CNNM1: variants seen among roughly 807,000 people sequenced by gnomAD.
CNNM1 encodes the protein metal transporter CNNM1.
A neutral mutation model predicts 78.8 loss-of-function variants in CNNM1; 44 were observed. The observed-to-expected ratio is 0.56, with a 90% CI of 0.44 to 0.72. The LOEUF (loss-of-function observed/expected upper bound fraction) is 0.72, where lower values mean the gene tolerates loss of function less well. CNNM1 is among the 30% of genes least tolerant of loss of function. The probability of loss-of-function intolerance (pLI) is 0.00; values close to 1 mark genes in which losing one functional copy is unlikely to be tolerated. For synonymous variants in CNNM1, 584 were observed against 581.5 expected (o/e 1.00, Z -0.06); for missense variants, 1,101 against 1,292.2 (o/e 0.85, Z 2.27).
chr10:99,350,242 GGAA>G (rs966977725), intron 1 of CNNM1, among the ~76,000 whole-genome samples: 4 of 152,312 alleles, frequency 2.6e-5, no homozygotes, highest in South Asian at 2.1e-4. Context: ...AAGCACACCT[GGAA>G]GAAGAACGTA....
rs1554940021 is a variant in CNNM1 at position 99,356,564 on chromosome 10, G to GACAGAAAGAAAGAAAGAAAAGAA, written c.1574-947_1574-946insCAGAAAGAAAGAAAGAAAAGAAA. 4.1e-5 allele frequency among the ~76,000 whole-genome samples: 4 copies of GACAGAAAGAAAGAAAGAAAAGAA among 98,254 alleles called. No individual in the cohort carries two copies. In the South Asian group the frequency reaches 1.3e-3, roughly 32 times the overall value. 64.5% of individuals were successfully genotyped at this position (98,254 alleles called of 152,430 possible). On this transcript the variant is annotated intron_variant, in intron 1 of 10. Coordinates refer to ENST00000356713, the MANE Select transcript of CNNM1 (RefSeq NM_020348.3). ...AGACAGACAGACAGACAGACAGACA[G>GACAGAAAGAAAGAAAGAAAAGAA]AAAGAAAGAAAGAAAGAAAGAAAGA...
At chr10:99,341,712 C>T (rs1257263955) in intron 1 of CNNM1, among the ~76,000 whole-genome samples, 6 of 152,234 alleles carry the variant, frequency 3.9e-5, no homozygotes, top group African/African-American at 1.2e-4. Flanking sequence ...TGTGTCTGAA[C>T]GCTGGGAAAG....
chr10:99,369,253 G>A (rs981199654), intron 6 of CNNM1, among the ~76,000 whole-genome samples: 1 of 152,192 alleles, frequency 6.6e-6, no homozygotes, highest in African/African-American at 2.4e-5. Context: ...GCTAGACAAT[G>A]ATTCAATGAC....
intron 7 of CNNM1, among the ~76,000 whole-genome samples, chr10:99,379,618 A>G (rs1268968167): frequency 1.3e-5 from 2 of 148,376 alleles, no homozygotes; most frequent in Non-Finnish European, 3.0e-5. Flanking sequence ...AGGAATTTGG[A>G]TTCTACTTTA....
intron 1 of CNNM1, among the ~76,000 whole-genome samples, chr10:99,357,108 G>C (rs887124193): frequency 3.3e-5 from 5 of 152,208 alleles, no homozygotes; most frequent in Admixed American, 3.3e-4. Flanking sequence ...TAAATGATTT[G>C]TCAAGGAATA....
chr10:99,350,543 ATATT>A (rs1320207144), intron 1 of CNNM1, among the ~76,000 whole-genome samples: 2 of 152,204 alleles, frequency 1.3e-5, no homozygotes, highest in African/African-American at 4.8e-5. Flanking sequence ...AGATGAGGCT[ATATT>A]TATTAAAGAC....
chr10:99,350,576 T>G (rs977587482), intron 1 of CNNM1, among the ~76,000 whole-genome samples: 1 of 152,208 alleles, frequency 6.6e-6, no homozygotes, highest in Non-Finnish European at 1.5e-5. Flanking sequence ...CTATTTTAGC[T>G]TCTTCAGATA....
intron 1 of CNNM1, among the ~76,000 whole-genome samples, chr10:99,346,132 T>A (rs1488533546): frequency 4.6e-5 from 7 of 152,216 alleles, no homozygotes; most frequent in Non-Finnish European, 5.9e-5. Context: ...TAGTCTTAAA[T>A]GATCCTCCTA....
intron 9 of CNNM1, among the ~76,000 whole-genome samples, chr10:99,389,112 G>C (rs1409964007): frequency 3.9e-5 from 6 of 152,132 alleles, no homozygotes; most frequent in Non-Finnish European, 8.8e-5. Flanking sequence ...ACCTGAAAAA[G>C]TGCTCCAAGA....
At chr10:99,380,021 CT>C (rs34165882) in intron 7 of CNNM1, among the ~76,000 whole-genome samples, 79,141 of 103,948 alleles carry the variant, frequency 0.76, 29,079 homozygotes, top group Non-Finnish European at 0.78. Context: ...TAAACTCTCT[CT>C]TTTTTTTTTT....
chr10:99,390,000 G>T (rs1234994697), intron 9 of CNNM1, among the ~76,000 whole-genome samples: 4 of 152,168 alleles, frequency 2.6e-5, no homozygotes, highest in African/African-American at 9.7e-5. Flanking sequence ...AGAACACATT[G>T]TTCTCTAAAC....
intron 1 of CNNM1, among the ~76,000 whole-genome samples, chr10:99,348,046 A>AT (rs1268801433): frequency 9.3e-5 from 11 of 118,604 alleles, no homozygotes; most frequent in East Asian, 4.3e-4. Flanking sequence ...GTGTATATAT[A>AT]TATATTTTTT....
At chr10:99,353,926 A>G (rs2031037712) in intron 1 of CNNM1, among the ~76,000 whole-genome samples, 1 of 148,834 alleles carries the variant, frequency 6.7e-6, no homozygotes, top group Non-Finnish European at 1.5e-5. Context: ...AGTGTAGAGC[A>G]ATGGTGGTTT....
At chr10:99,336,654 G>T (rs4919298) in intron 1 of CNNM1, among the ~76,000 whole-genome samples, 1 of 151,978 alleles carries the variant, frequency 6.6e-6, no homozygotes, top group African/African-American at 2.4e-5. Flanking sequence ...GAAATTAAAC[G>T]AACAGGATAG....
In CNNM1 at chr10:99,388,189, A is replaced by G; in HGVS notation, c.2562A>G (p.Val854=). ...ACGGGCTGAGAAGCCCCAGCGAGGT[A>G]GTGTACCTGAGGATGGAGGAGCTGG... is the stretch of plus-strand genomic sequence containing the variant. ...RSDGLRSPSE[V]VYLRMEELAF... is the part of the protein sequence containing the mutation. Residue 854 remains valine (V), a synonymous_variant, in exon 9 of 11, where the codon GTA becomes GTG. Coordinates refer to ENST00000356713, the MANE Select transcript of CNNM1 (RefSeq NM_020348.3). The G allele has an allele frequency of 6.2e-7, 1 of 1,613,944 alleles. No homozygotes were observed. The highest frequency in any genetic ancestry group is 8.5e-7 in the Non-Finnish European group (1 of 1,179,864).
intron 1 of CNNM1, among the ~76,000 whole-genome samples, chr10:99,333,045 T>G (rs2029989501): frequency 6.6e-6 from 1 of 152,136 alleles, no homozygotes; most frequent in Non-Finnish European, 1.5e-5. Context: ...GCAGGTTTGG[T>G]TCCTTCTGAG....
In CNNM1 at chr10:99,330,075, C is replaced by G. The variant is rs1315951055; in HGVS notation, c.688C>G (p.Leu230Val). The G allele has an allele frequency of 3.3e-6, 5 of 1,526,954 alleles. No individual in the cohort carries two copies. Among genetic ancestry groups the G allele is most frequent in the Admixed American group, 4.0e-5 (2 of 49,932 alleles). The allele number at this position is 1,526,954 out of a possible 1,614,324, so 94.6% of individuals were successfully genotyped here. ...PPAWLRALGALLLLALSALFS... is the reference protein window; with the variant it reads ...PPAWLRALGAVLLLALSALFS... The stretch of plus-strand genomic sequence containing the variant: ...TGCGTGGCTGCGGGCGCTCGGGGCG[C>G]TCCTGCTGCTAGCCTTGTCGGCCCT... Residue 230 changes from leucine (L) to valine (V), a missense_variant, in exon 1 of 11, where the codon CTC becomes GTC. Physicochemically the swap from Leu to Val is conservative, Grantham distance 32. This residue lies in a region of CNNM1 where 476 missense variants were observed against 484.5 expected (regional missense o/e 0.98). Transcript: ENST00000356713.
chr10:99,360,570 GC>G, intron 2 of CNNM1, among the ~76,000 whole-genome samples: 1 of 152,246 alleles, frequency 6.6e-6, no homozygotes, highest in Non-Finnish European at 1.5e-5. Context: ...AGGGGAACCA[GC>G]CCCAGAACCC....
Position 99,391,587 on chromosome 10 carries a change from T to A in CNNM1, c.*71T>A. ...TGGGGGAGAATCCACCCTCCCATCA[T>A]CTGCTTCCCCCAAGGCCTCCCACAG... On this transcript the variant is annotated 3_prime_UTR_variant, in exon 11 of 11. Transcript: ENST00000356713. The A allele has an allele frequency of 1.5e-6, 2 of 1,334,840 alleles. No homozygotes were observed. Among genetic ancestry groups the A allele is most frequent in the Non-Finnish European group, 2.1e-6 (2 of 938,136 alleles). 82.7% of individuals were successfully genotyped at this position (1,334,840 alleles called of 1,614,324 possible). A position where few individuals can be genotyped will look rare whatever the true frequency, so the allele number is the denominator to read the frequency against.
Sources: gnomAD v4.1 joint callset for allele counts (sites outside exome capture counted in the v4.1 genomes callset) on GRCh38, gnomAD v4.1.1 for gene constraint, gnomAD v4.1.1 regional missense constraint, MANE v1.5 for transcripts, NCBI Gene and HGNC (gene_info 2026-07-23, HGNC 2026-07-21) for gene names.